ASTN2: variants seen among roughly 807,000 people sequenced by gnomAD.
ASTN2 encodes astrotactin 2.
A neutral mutation model predicts 139.8 loss-of-function variants in ASTN2; 54 were observed. The observed-to-expected ratio is 0.39, with a 90% CI of 0.31 to 0.48. The LOEUF is 0.48. Ranked by LOEUF, ASTN2 falls within the 20% of genes least tolerant of loss-of-function variation. The pLI is 0.95. For synonymous variants in ASTN2, 756 were observed against 719.5 expected, an observed-to-expected ratio of 1.05 and a Z score of -0.81; for missense variants, 1,565 against 1,725.1, an observed-to-expected ratio of 0.91 and a Z score of 1.64.
At chr9:116,806,338 G>A (rs1169805414) in intron 12 of ASTN2, among the ~76,000 whole-genome samples, 2 of 152,182 alleles carry the variant, frequency 1.3e-5, no homozygotes, top group African/African-American at 2.4e-5. Context: ...AGCCAGAAAA[G>A]CCCTTGACAA....
At chr9:116,494,380 A>G (rs1031974372) in intron 19 of ASTN2, among the ~76,000 whole-genome samples, 1 of 152,186 alleles carries the variant, frequency 6.6e-6, no homozygotes, top group African/African-American at 2.4e-5. Flanking sequence ...TACAAATGTT[A>G]GTGCCCCCCT....
intron 12 of ASTN2, among the ~76,000 whole-genome samples, chr9:116,810,427 T>C (rs1410982737): frequency 1.3e-5 from 2 of 152,184 alleles, no homozygotes; most frequent in African/African-American, 4.8e-5. Flanking sequence ...TTAACCTCTC[T>C]GTACCGCCTT....
At chr9:117,150,175 C>T (rs778575799) in intron 3 of ASTN2, among the ~76,000 whole-genome samples, 1 of 152,206 alleles carries the variant, frequency 6.6e-6, no homozygotes, top group Non-Finnish European at 1.5e-5. Flanking sequence ...GCTGGCTTCA[C>T]AGTCCCTAGC....
At chr9:116,674,638 T>A (rs1859394375) in intron 16 of ASTN2, among the ~76,000 whole-genome samples, 1 of 152,232 alleles carries the variant, frequency 6.6e-6, no homozygotes, top group South Asian at 2.1e-4. Flanking sequence ...ACTGAAGCTA[T>A]GCAATCCCCC....
chr9:116,486,312 T>C (rs1267468033), intron 20 of ASTN2, among the ~76,000 whole-genome samples: 1 of 152,178 alleles, frequency 6.6e-6, no homozygotes, highest in Non-Finnish European at 1.5e-5. Flanking sequence ...AAATAAGTTA[T>C]GAATTAGTAA....
chr9:117,159,363 T>C (rs1830498090), intron 3 of ASTN2, among the ~76,000 whole-genome samples: 1 of 151,998 alleles, frequency 6.6e-6, no homozygotes, highest in South Asian at 2.1e-4. Flanking sequence ...GCATGCTTAT[T>C]CTAATTTCTC....
At chr9:117,325,995 G>A (rs565607531) in intron 1 of ASTN2, among the ~76,000 whole-genome samples, 1 of 152,052 alleles carries the variant, frequency 6.6e-6, no homozygotes, top group Non-Finnish European at 1.5e-5. Context: ...CTGAGGGAGG[G>A]GTGGGGCATT....
At chr9:116,919,062 G>A (rs1476453281) in intron 10 of ASTN2, among the ~76,000 whole-genome samples, 1 of 151,886 alleles carries the variant, frequency 6.6e-6, no homozygotes, top group Non-Finnish European at 1.5e-5. Context: ...CTAAAAGGGA[G>A]CTGACAGTTG....
intron 16 of ASTN2, chr9:116,687,241 A>G (rs890585102): frequency 3.0e-6 from 3 of 997,334 alleles, no homozygotes; most frequent in Non-Finnish European, 3.6e-6. Context: ...AAGCCCCAGC[A>G]TGCTGGGGAG....
intron 13 of ASTN2, among the ~76,000 whole-genome samples, chr9:116,776,489 C>A (rs992298297): frequency 6.6e-6 from 1 of 152,156 alleles, no homozygotes; most frequent in East Asian, 1.9e-4. Context: ...CAAGTGTCCG[C>A]GCTTGAAACC....
chr9:117,188,190 G>GAC (rs1831255867), intron 3 of ASTN2, among the ~76,000 whole-genome samples: 2 of 66,750 alleles, frequency 3.0e-5, no homozygotes, highest in Non-Finnish European at 6.7e-5. Flanking sequence ...GAGAGAGAGA[G>GAC]AGACAGAGAG....
intron 19 of ASTN2, among the ~76,000 whole-genome samples, chr9:116,529,777 C>A (rs954117497): frequency 6.6e-6 from 1 of 151,990 alleles, no homozygotes; most frequent in Non-Finnish European, 1.5e-5. Flanking sequence ...GCACTTCCCT[C>A]CTCACTCTCT....
chr9:116,685,437 CCT>C (rs1238018189), intron 16 of ASTN2, among the ~76,000 whole-genome samples: 2 of 152,136 alleles, frequency 1.3e-5, no homozygotes, highest in African/African-American at 2.4e-5. Flanking sequence ...TTGCAATTCC[CCT>C]GTCTTGATGA....
At chr9:116,695,286 G>A (rs1191336185) in intron 16 of ASTN2, among the ~76,000 whole-genome samples, 1 of 152,130 alleles carries the variant, frequency 6.6e-6, no homozygotes, top group Admixed American at 6.5e-5. Context: ...TCATCATGAA[G>A]ATTAAAAGAG....
At chr9:117,205,569 G>GA (rs528199399) in intron 3 of ASTN2, among the ~76,000 whole-genome samples, 71 of 150,062 alleles carry the variant, frequency 4.7e-4, no homozygotes, top group Non-Finnish European at 8.9e-4. Flanking sequence ...TTCTAGGATT[G>GA]AAAAAAAAAC....
At chr9:117,141,004 C>G (rs1371286872) in intron 4 of ASTN2, among the ~76,000 whole-genome samples, 2 of 152,194 alleles carry the variant, frequency 1.3e-5, no homozygotes, top group Non-Finnish European at 2.9e-5. Flanking sequence ...TTTGTACTCT[C>G]TGACCGGCAA....
intron 10 of ASTN2, among the ~76,000 whole-genome samples, chr9:116,911,679 C>T (rs1035688851): frequency 6.6e-6 from 1 of 152,040 alleles, no homozygotes; most frequent in African/African-American, 2.4e-5. Flanking sequence ...CCGAGGCAGG[C>T]GGATCACGAG....
intron 4 of ASTN2, among the ~76,000 whole-genome samples, chr9:117,135,468 A>G (rs1332297570): frequency 6.6e-6 from 1 of 152,142 alleles, no homozygotes; most frequent in Non-Finnish European, 1.5e-5. Context: ...CCCTTTATCT[A>G]TTTACCCGTC....
intron 4 of ASTN2, among the ~76,000 whole-genome samples, chr9:117,103,768 G>A (rs996377938): frequency 6.6e-6 from 1 of 152,130 alleles, no homozygotes; most frequent in Non-Finnish European, 1.5e-5. Context: ...TGTGGTTCAG[G>A]AATGGAAAAA....
Sources: allele counts gnomAD v4.1 joint callset (sites outside exome capture counted in the v4.1 genomes callset), GRCh38; gene constraint gnomAD v4.1.1; transcripts MANE v1.5; gene names NCBI Gene and HGNC (gene_info 2026-07-23, HGNC 2026-07-21).